MET: variants seen among roughly 807,000 people sequenced by gnomAD.
The protein encoded by MET is hepatocyte growth factor receptor.
Under a neutral mutation model 133.1 loss-of-function variants are expected in MET, and 48 were observed. That is an observed-to-expected ratio of 0.36 (90% CI 0.29 to 0.46). MET has a LOEUF of 0.46. Ranked by LOEUF, MET falls within the 20% of genes least tolerant of loss-of-function variation. The pLI, the probability that MET is intolerant of heterozygous loss-of-function variation, is 1.00. For synonymous variants in MET, 628 were observed against 616.5 expected (o/e 1.02, Z -0.28); for missense variants, 1,442 against 1,695.9 (o/e 0.85, Z 2.63).
Position 116,727,273 on chromosome 7 carries a change from AG to A in MET, c.1201-4393del, listed in dbSNP as rs142857764. ...TAGTAAGCAGAAGCAAAAGAAATTC[AG>A]GAGTTTGAACATAAGAGAGAGCTGT... is the stretch of plus-strand genomic sequence containing the variant. On this transcript the variant is annotated intron_variant, in intron 2 of 20. Transcript: ENST00000397752. Among the ~76,000 whole-genome samples, 933 of 152,334 alleles carry A rather than the reference AG, an allele frequency of 6.1e-3. 8 individuals carry two copies. The highest frequency in any genetic ancestry group is 0.021 in the African/African-American group (854 of 41,576).
In MET at chr7:116,796,087, T is replaced by G. The variant is rs2117113573; in HGVS notation, c.4136T>G (p.Val1379Gly). 3 of 1,614,136 alleles carry G rather than the reference T, an allele frequency of 1.9e-6. No individual in the cohort carries two copies. The highest frequency in any genetic ancestry group is 1.6e-4 in the Middle Eastern group (1 of 6,062). ...LSSEDNADDE[V>G]DTRPASFWET... ...TCAGAAGATAACGCTGATGATGAGG[T>G]GGACACACGACCAGCCTCCTTCTGG... Residue 1379 changes from valine (V) to glycine (G), a missense_variant, in exon 21 of 21, where the codon GTG becomes GGG. This residue lies in a region of MET where 94 missense variants were observed against 109.5 expected (regional missense o/e 0.86). Coordinates refer to ENST00000397752, the MANE Select transcript of MET (RefSeq NM_000245.4).
chr7:116,729,688 A>C (rs1792922550), intron 2 of MET, among the ~76,000 whole-genome samples: 1 of 152,144 alleles, frequency 6.6e-6, no homozygotes, highest in Non-Finnish European at 1.5e-5. Flanking sequence ...TCCCGTCCCC[A>C]TCGTCTACCC....
At chr7:116,720,328 T>C (rs368491756) in intron 2 of MET, among the ~76,000 whole-genome samples, 3 of 140,676 alleles carry the variant, frequency 2.1e-5, no homozygotes, top group African/African-American at 5.4e-5. Context: ...TTTTTGTACA[T>C]TGATTTTGTA....
intron 5 of MET, among the ~76,000 whole-genome samples, chr7:116,754,808 C>G (rs1380300273): frequency 1.4e-5 from 2 of 147,810 alleles, no homozygotes; most frequent in Non-Finnish European, 3.0e-5. Flanking sequence ...CAGAGCCAGA[C>G]TCTGTCTGAA....
chr7:116,745,278 G>C lies in MET; in HGVS notation c.1701+4253G>C, dbSNP rs573806094. On this transcript the variant is annotated intron_variant, in intron 5 of 20. Transcript: ENST00000397752. ...CAAACCACTGCTCAAGGAAATAAAAGAGGATACAAACAAATGGAAGAATAT... is the reference window on the plus strand; with the variant it reads ...CAAACCACTGCTCAAGGAAATAAAACAGGATACAAACAAATGGAAGAATAT... Among the ~76,000 whole-genome samples, 66 of 152,300 alleles carry C rather than the reference G, an allele frequency of 4.3e-4. 1 individual carries two copies. Among genetic ancestry groups the C allele is most frequent in the African/African-American group, 1.5e-3 (64 of 41,554 alleles).
intron 2 of MET, among the ~76,000 whole-genome samples, chr7:116,720,763 G>A (rs1584901302): frequency 7.7e-6 from 1 of 129,736 alleles, no homozygotes; most frequent in South Asian, 2.8e-4. Flanking sequence ...TTTGTCTTTG[G>A]CTCTGTTTAT....
chr7:116,757,416 A>G, intron 6 of MET, 21 bp from the exon 7 acceptor site: 1 of 1,601,212 alleles, frequency 6.2e-7, no homozygotes, highest in Middle Eastern at 2.0e-4. Flanking sequence ...TCATGTATTA[A>G]ACTTTGGGTT....
chr7:116,672,392 A>T lies in MET; in HGVS notation c.-200A>T. On this transcript the variant is annotated 5_prime_UTR_variant, in exon 1 of 21. Coordinates refer to ENST00000397752, the MANE Select transcript of MET (RefSeq NM_000245.4). ...GGGGCGCTGGGCTCAGCCCGGCCGC[A>T]GGTGACCCGGAGGCCCTCGCCGCCC... is the stretch of plus-strand genomic sequence containing the variant. 2.7e-6 allele frequency: 1 copy of T among 377,260 alleles called. No homozygotes were observed. The highest frequency in any genetic ancestry group is 1.3e-4 in the South Asian group (1 of 7,674). The allele number at this position is 377,260 out of a possible 1,614,324, so 23.4% of individuals were successfully genotyped here.
intron 1 of MET, among the ~76,000 whole-genome samples, chr7:116,682,155 T>C (rs946918437): frequency 6.6e-6 from 1 of 152,226 alleles, no homozygotes; most frequent in Admixed American, 6.5e-5. Context: ...AATTGTTCTT[T>C]AAATCACCAG....
At chr7:116,775,431 C>T (rs1794963798) in intron 15 of MET, among the ~76,000 whole-genome samples, 1 of 152,194 alleles carries the variant, frequency 6.6e-6, no homozygotes, top group African/African-American at 2.4e-5. Flanking sequence ...GGGCCAGGCG[C>T]AGTGGCTCAC....
At chr7:116,788,473 A>C (rs375266202) in intron 19 of MET, among the ~76,000 whole-genome samples, 1 of 151,786 alleles carries the variant, frequency 6.6e-6, no homozygotes, top group Non-Finnish European at 1.5e-5. Context: ...CAATACCCCC[A>C]CCTCCCCAAC....
At chr7:116,757,989 T>A (rs1001299939) in intron 8 of MET, among the ~76,000 whole-genome samples, 2 of 152,174 alleles carry the variant, frequency 1.3e-5, no homozygotes, top group Non-Finnish European at 2.9e-5. Flanking sequence ...ATCCTACTTT[T>A]CAGTTTTGTC....
At chr7:116,716,298 AG>A (rs1792196396) in intron 2 of MET, among the ~76,000 whole-genome samples, 1 of 111,230 alleles carries the variant, frequency 9.0e-6, no homozygotes, top group Non-Finnish European at 1.9e-5. Context: ...AGAGAGAGAG[AG>A]AGAGAGAGAG....
In MET at chr7:116,748,694, T is replaced by C. The variant is rs899576456; in HGVS notation, c.1702-6661T>C. Reference sequence around the variant, plus strand: ...TGGTTTTTTGAAAAGATCAACAAAATTGATAGACTGCTAGCCAGAATCATC... The same window carrying C: ...TGGTTTTTTGAAAAGATCAACAAAACTGATAGACTGCTAGCCAGAATCATC... On this transcript the variant is annotated intron_variant, in intron 5 of 20. Coordinates refer to ENST00000397752, the MANE Select transcript of MET (RefSeq NM_000245.4). 2.4e-4 allele frequency among the ~76,000 whole-genome samples: 36 copies of C among 152,060 alleles called. 1 individual carries two copies. Among genetic ancestry groups the C allele is most frequent in the African/African-American group, 8.7e-4 (36 of 41,386 alleles).
At chr7:116,784,106 A>G (rs1038683390) in intron 19 of MET, among the ~76,000 whole-genome samples, 2 of 152,212 alleles carry the variant, frequency 1.3e-5, no homozygotes, top group African/African-American at 2.4e-5. Context: ...GCAGCTGGGC[A>G]ATGGAAATAC....
At chr7:116,693,185 A>G (rs1796836631) in intron 1 of MET, among the ~76,000 whole-genome samples, 1 of 152,238 alleles carries the variant, frequency 6.6e-6, no homozygotes, top group African/African-American at 2.4e-5. Flanking sequence ...ATAGAGGAAC[A>G]ATCTCAGAGT....
chr7:116,682,481 C>G (rs1459703001), intron 1 of MET, among the ~76,000 whole-genome samples: 1 of 152,118 alleles, frequency 6.6e-6, no homozygotes, highest in Admixed American at 6.5e-5. Flanking sequence ...TTCAATAAAA[C>G]CGGTTTTGAA....
At chr7:116,690,865 A>G (rs939283763) in intron 1 of MET, among the ~76,000 whole-genome samples, 11 of 152,262 alleles carry the variant, frequency 7.2e-5, no homozygotes, top group Middle Eastern at 3.2e-3. Context: ...GATTAATATC[A>G]TATGATATAA....
At position 116,796,247 on chromosome 7, in the gene MET, T is replaced by A. The variant is rs1186556354; in HGVS notation, c.*123T>A. 2 of 889,296 alleles carry A rather than the reference T, an allele frequency of 2.2e-6. No homozygotes were observed. The highest frequency in any genetic ancestry group is 3.3e-5 in the African/African-American group (2 of 61,096). 55.1% of individuals were successfully genotyped at this position (889,296 alleles called of 1,614,324 possible). On this transcript the variant is annotated 3_prime_UTR_variant, in exon 21 of 21. Coordinates refer to ENST00000397752, the MANE Select transcript of MET (RefSeq NM_000245.4). The stretch of plus-strand genomic sequence containing the variant: ...AATTGCACTATTATAGGACTTGTAT[T>A]GTTATTTAAATTACTGGATTCTAAG...
Sources: allele counts gnomAD v4.1 joint callset (sites outside exome capture counted in the v4.1 genomes callset), GRCh38; gene constraint gnomAD v4.1.1; regional missense constraint gnomAD v4.1.1; transcripts MANE v1.5; gene names NCBI Gene and HGNC (gene_info 2026-07-23, HGNC 2026-07-21).